Variants in ELAPOR2 observed in about 807,000 individuals in gnomAD.
ELAPOR2 encodes endosome/lysosome-associated apoptosis and autophagy regulator family member 2.
Under a neutral mutation model 120.7 loss-of-function variants are expected in ELAPOR2, and 89 were observed. That is an observed-to-expected ratio of 0.74 (90% CI 0.62 to 0.88). The LOEUF (loss-of-function observed/expected upper bound fraction) is 0.88. ELAPOR2 is among the 40% of genes least tolerant of loss of function. The pLI is 0.00. For missense variants in ELAPOR2, 1,134 were observed against 1,251.6 expected (o/e 0.91, Z 1.42); for synonymous variants, 444 against 444.9 (o/e 1.00, Z 0.03).
At chr7:86,896,700 T>A (rs78207555) in intron 19 of ELAPOR2, among the ~76,000 whole-genome samples, 1 of 152,138 alleles carries the variant, frequency 6.6e-6, no homozygotes, top group Non-Finnish European at 1.5e-5. Context: ...TTTGTTTTTT[T>A]CATATGATAC....
rs188438463 is a variant in ELAPOR2 at position 86,965,766 on chromosome 7, T to A, written c.190-742A>T. On this transcript the variant is annotated intron_variant, in intron 1 of 21. Transcript: ENST00000450689. ...ATATTATTGGAGCATTTTAAGAATG[T>A]GAGAAATTCCAAATCTACCCCAAAT... is the stretch of plus-strand genomic sequence containing the variant. The A allele has an allele frequency of 1.4e-5, 13 of 930,464 alleles. No individual in the cohort carries two copies. The African/African-American group carries it at 2.3e-4, about 17-fold the overall frequency. The allele number at this position is 930,464 out of a possible 1,614,324, so 57.6% of individuals were successfully genotyped here.
At chr7:87,015,711 C>A (rs1036000532) in intron 1 of ELAPOR2, among the ~76,000 whole-genome samples, 3 of 152,116 alleles carry the variant, frequency 2.0e-5, no homozygotes, top group Non-Finnish European at 2.9e-5. Flanking sequence ...TTGCTTGAAC[C>A]AGCTACTCCC....
intron 20 of ELAPOR2, 61 bp from the exon 21 acceptor site, chr7:86,891,950 C>T: frequency 4.5e-6 from 5 of 1,107,734 alleles, no homozygotes; most frequent in Non-Finnish European, 6.3e-6. Flanking sequence ...TAAATAAATA[C>T]TTATTTTAGG....
At chr7:86,920,710 C>T (rs930689402) in intron 10 of ELAPOR2, 2 of 152,154 alleles carry the variant, frequency 1.3e-5, no homozygotes, top group African/African-American at 4.8e-5. Flanking sequence ...TCCTGAGAAA[C>T]AGAGTGTCTT....
intron 1 of ELAPOR2, among the ~76,000 whole-genome samples, chr7:87,043,773 G>A (rs1794858600): frequency 6.6e-6 from 1 of 151,624 alleles, no homozygotes; most frequent in Admixed American, 6.6e-5. Context: ...AATCAGGCAG[G>A]AGAAGGAAAT....
chr7:86,962,829 C>T (rs568174194), intron 2 of ELAPOR2, among the ~76,000 whole-genome samples: 27 of 152,284 alleles, frequency 1.8e-4, no homozygotes, highest in Non-Finnish European at 3.5e-4. Context: ...AATCTAAGCT[C>T]CTGAAGGAAT....
chr7:86,941,873 AAT>A (rs1790808806), intron 5 of ELAPOR2, 143 bp downstream of exon 5: 1 of 539,484 alleles, frequency 1.9e-6, no homozygotes, highest in Non-Finnish European at 3.3e-6. Flanking sequence ...CATCTAAATT[AAT>A]AGTTAATTTT....
chr7:86,976,716 T>C (rs1188942572), intron 1 of ELAPOR2, among the ~76,000 whole-genome samples: 1 of 152,190 alleles, frequency 6.6e-6, no homozygotes, highest in Non-Finnish European at 1.5e-5. Context: ...CAGAGGATTT[T>C]ATAAGGATCT....
intron 1 of ELAPOR2, among the ~76,000 whole-genome samples, chr7:87,032,909 T>C (rs1794467693): frequency 6.6e-6 from 1 of 152,100 alleles, no homozygotes. Context: ...CTTGTGAAAA[T>C]GTGGAATTAA....
chr7:87,003,516 TG>T (rs1317001823), intron 1 of ELAPOR2, among the ~76,000 whole-genome samples: 2 of 152,166 alleles, frequency 1.3e-5, no homozygotes, highest in African/African-American at 4.8e-5. Context: ...TCTCTCCTGC[TG>T]GCCATGTGAA....
At chr7:87,039,023 G>C (rs1794676860) in intron 1 of ELAPOR2, among the ~76,000 whole-genome samples, 1 of 151,734 alleles carries the variant, frequency 6.6e-6, no homozygotes, top group Admixed American at 6.6e-5. Flanking sequence ...CAAAACTTTA[G>C]CTAGACTAAG....
At chr7:86,891,948 T>C (rs1788182825) in intron 20 of ELAPOR2, 59 bp from the exon 21 acceptor site, 3 of 1,130,574 alleles carry the variant, frequency 2.7e-6, no homozygotes, top group Admixed American at 2.8e-5. Flanking sequence ...TATAAATAAA[T>C]ACTTATTTTA....
intron 10 of ELAPOR2, 43 bp downstream of exon 10, chr7:86,925,485 C>G: frequency 6.2e-7 from 1 of 1,601,096 alleles, no homozygotes; most frequent in Non-Finnish European, 8.5e-7. Flanking sequence ...TGAATGATGT[C>G]TCTATTGCTG....
chr7:87,041,082 G>A (rs1321417026), intron 1 of ELAPOR2, among the ~76,000 whole-genome samples: 1 of 152,106 alleles, frequency 6.6e-6, no homozygotes, highest in African/African-American at 2.4e-5. Flanking sequence ...AAAAAGAAAT[G>A]AGCAAAGCCT....
chr7:86,979,448 C>T (rs1190842274), intron 1 of ELAPOR2, among the ~76,000 whole-genome samples: 2 of 152,122 alleles, frequency 1.3e-5, no homozygotes, highest in South Asian at 2.1e-4. Context: ...AAGTTATTCA[C>T]AGTAGGGAAA....
At chr7:87,008,591 C>T (rs1442546384) in intron 1 of ELAPOR2, among the ~76,000 whole-genome samples, 1 of 152,204 alleles carries the variant, frequency 6.6e-6, no homozygotes, top group Non-Finnish European at 1.5e-5. Flanking sequence ...GACAAGGTTT[C>T]ACCATATTGG....
intron 4 of ELAPOR2, among the ~76,000 whole-genome samples, chr7:86,943,005 T>C (rs1790865168): frequency 6.6e-6 from 1 of 152,060 alleles, no homozygotes; most frequent in South Asian, 2.1e-4. Context: ...ATAGACCCTA[T>C]TGCCATCCAA....
At chr7:86,906,377 C>A (rs1260960821) in intron 18 of ELAPOR2, among the ~76,000 whole-genome samples, 1 of 151,994 alleles carries the variant, frequency 6.6e-6, no homozygotes, top group Non-Finnish European at 1.5e-5. Context: ...TCACCTTGAA[C>A]AGGTAAAAAG....
intron 1 of ELAPOR2, among the ~76,000 whole-genome samples, chr7:86,980,384 G>A (rs1792425948): frequency 1.3e-5 from 2 of 152,246 alleles, no homozygotes; most frequent in South Asian, 4.2e-4. Flanking sequence ...TACATTTGAG[G>A]CAGTTCCCTC....
Sources: allele counts gnomAD v4.1 joint callset (sites outside exome capture counted in the v4.1 genomes callset), GRCh38; gene constraint gnomAD v4.1.1; transcripts MANE v1.5; gene names NCBI Gene and HGNC (gene_info 2026-07-23, HGNC 2026-07-21).